Variants in RAPGEF2 observed in about 807,000 individuals in gnomAD.
The protein encoded by RAPGEF2 is PDZ domain containing guanine nucleotide exchange factor (GEF) 1.
A neutral mutation model predicts 186.7 loss-of-function variants in RAPGEF2; 54 were observed. The observed-to-expected ratio is 0.29, with a 90% confidence interval of 0.23 to 0.36. The LOEUF is 0.36. RAPGEF2 is among the 10% of genes least tolerant of loss of function. The pLI, the probability that RAPGEF2 is intolerant of heterozygous loss-of-function variation, is 1.00. For synonymous variants in RAPGEF2, 712 were observed against 705.9 expected, an observed-to-expected ratio of 1.01 and a Z score of -0.14; for missense variants, 1,532 against 2,045.0, an observed-to-expected ratio of 0.75 and a Z score of 4.84.
At chr4:159,335,001 A>T (rs1767203710) in intron 17 of RAPGEF2, among the ~76,000 whole-genome samples, 1 of 152,234 alleles carries the variant, frequency 6.6e-6, no homozygotes, top group Non-Finnish European at 1.5e-5. Context: ...AACAGACTTG[A>T]TTTATACTAT....
chr4:159,163,049 C>T (rs970117581), intron 1 of RAPGEF2, among the ~76,000 whole-genome samples: 4 of 152,120 alleles, frequency 2.6e-5, no homozygotes, highest in African/African-American at 9.7e-5. Context: ...GATGACTGTG[C>T]ACCACTTGCT....
chr4:159,138,109 G>A (rs1410208717), intron 1 of RAPGEF2, among the ~76,000 whole-genome samples: 1 of 152,190 alleles, frequency 6.6e-6, no homozygotes, highest in Non-Finnish European at 1.5e-5. Flanking sequence ...TGAGACACAA[G>A]CTTTCTCTAA....
chr4:159,117,120 A>T lies in RAPGEF2; in HGVS notation c.69+12889A>T, dbSNP rs116388973. ...TTTATACATTTCTAAATGACTAGAA[A>T]TGAGTTTTAAAAACTTGTGAGTTTA... is the stretch of plus-strand genomic sequence containing the variant. On this transcript the variant is annotated intron_variant, in intron 1 of 29. Transcript: ENST00000691494. Among the ~76,000 whole-genome samples the T allele has an allele frequency of 2.7e-3, 415 of 152,368 alleles. 2 individuals carry two copies. Among genetic ancestry groups the T allele is most frequent in the African/African-American group, 9.6e-3 (401 of 41,586 alleles).
chr4:159,341,036 T>C (rs1729396614), intron 19 of RAPGEF2, among the ~76,000 whole-genome samples: 1 of 152,214 alleles, frequency 6.6e-6, no homozygotes, highest in Non-Finnish European at 1.5e-5. Flanking sequence ...AGGATTGTTC[T>C]ATTCATAGGA....
intron 1 of RAPGEF2, among the ~76,000 whole-genome samples, chr4:159,155,545 A>G (rs111492435): frequency 1.0e-3 from 157 of 152,322 alleles, no homozygotes; most frequent in African/African-American, 3.6e-3. Flanking sequence ...ATGTTTCTCT[A>G]GTGGGACCAG....
intron 29 of RAPGEF2, among the ~76,000 whole-genome samples, chr4:159,356,983 G>T (rs1294954784): frequency 6.6e-6 from 1 of 152,218 alleles, no homozygotes; most frequent in Non-Finnish European, 1.5e-5. Context: ...CTCAAAGGTG[G>T]ATGGTTAAAG....
At chr4:159,228,447 A>G (rs950792641) in intron 4 of RAPGEF2, 4 of 152,184 alleles carry the variant, frequency 2.6e-5, no homozygotes, top group Non-Finnish European at 5.9e-5. Flanking sequence ...CTACTGAGGA[A>G]TGAACGGGGG....
At chr4:159,157,740 T>C (rs74352567) in intron 1 of RAPGEF2, among the ~76,000 whole-genome samples, 2,450 of 152,368 alleles carry the variant, frequency 0.016, 38 homozygotes, top group Admixed American at 0.047. Flanking sequence ...TTAATCATAA[T>C]GTCCGTTTTC....
rs763098119 is a variant in RAPGEF2 at position 159,353,701 on chromosome 4, G to A, written c.4306G>A (p.Gly1436Arg). 7 of 1,596,294 alleles carry A rather than the reference G, an allele frequency of 4.4e-6. No individual in the cohort carries two copies. The highest frequency in any genetic ancestry group is 1.7e-5 in the Admixed American group (1 of 57,722). The stretch of plus-strand genomic sequence containing the variant: ...GAGAAGCTGGGAGACTCTTCCATTC[G>A]GGCATACTCACTTTGATTATTCAGG... ...HQRSWETLPF[G>R]HTHFDYSGDP... is the part of the protein sequence containing the mutation. Residue 1436 changes from glycine to arginine, a missense_variant, in exon 28 of 30, where the codon GGG becomes AGG. This residue lies in a region of RAPGEF2 where 594 missense variants were observed against 608.5 expected (regional missense o/e 0.98). Transcript: ENST00000691494. The surrounding 1 kb of genome is among the most constrained non-coding windows in gnomAD (Gnocchi z 4.3).
At chr4:159,273,692 TTCTTTCTTTCTC>T (rs1758478011) in intron 7 of RAPGEF2, among the ~76,000 whole-genome samples, 1 of 130,770 alleles carries the variant, frequency 7.6e-6, no homozygotes, top group African/African-American at 2.8e-5. Flanking sequence ...CTTTCTTTCT[TTCTTTCTTTCTC>T]AATTTAAATA....
At chr4:159,121,891 G>GT (rs1214675326) in intron 1 of RAPGEF2, among the ~76,000 whole-genome samples, 2 of 148,520 alleles carry the variant, frequency 1.3e-5, no homozygotes, top group Non-Finnish European at 3.0e-5. Flanking sequence ...AAAAAAATTA[G>GT]CCGGGCATAG....
At chr4:159,316,285 C>G (rs771233096) in intron 9 of RAPGEF2, among the ~76,000 whole-genome samples, 4 of 150,644 alleles carry the variant, frequency 2.7e-5, no homozygotes, top group African/African-American at 7.5e-5. Context: ...GTAAGTACTA[C>G]TAACTAATGA....
At chr4:159,230,609 G>C (rs1752526498) in intron 4 of RAPGEF2, among the ~76,000 whole-genome samples, 1 of 152,138 alleles carries the variant, frequency 6.6e-6, no homozygotes, top group Admixed American at 6.5e-5. Context: ...GAAGAGATTT[G>C]GTCTTTATAG....
chr4:159,247,354 A>T (rs184166436), intron 7 of RAPGEF2, among the ~76,000 whole-genome samples: 1 of 152,318 alleles, frequency 6.6e-6, no homozygotes, highest in East Asian at 1.9e-4. Context: ...GTACACACCC[A>T]GGGCCCCTAC....
intron 7 of RAPGEF2, among the ~76,000 whole-genome samples, chr4:159,301,491 A>G (rs1762668151): frequency 6.6e-6 from 1 of 152,374 alleles, no homozygotes; most frequent in African/African-American, 2.4e-5. Context: ...CATTTAATCA[A>G]TGCTAATTTA....
At position 159,147,736 on chromosome 4, in the gene RAPGEF2, C is replaced by A. The variant is rs996682906; in HGVS notation, c.70-38906C>A. 2.6e-5 allele frequency among the ~76,000 whole-genome samples: 4 copies of A among 152,194 alleles called. No homozygotes were observed. In the East Asian group the frequency reaches 7.7e-4, roughly 29 times the overall value. On this transcript the variant is annotated intron_variant, in intron 1 of 29. Coordinates refer to ENST00000691494, the MANE Select transcript of RAPGEF2 (RefSeq NM_001394067.2). ...CATTCATATACATGTGAGTAGAAAT[C>A]ATCTCCACAGAAAGATTCCAATTGT...
intron 4 of RAPGEF2, among the ~76,000 whole-genome samples, chr4:159,230,497 G>A (rs1407311314): frequency 6.6e-6 from 1 of 152,164 alleles, no homozygotes; most frequent in Non-Finnish European, 1.5e-5. Flanking sequence ...AAATTAAGGA[G>A]TCTGAATTTT....
chr4:159,120,429 T>C (rs186023336), intron 1 of RAPGEF2, among the ~76,000 whole-genome samples: 8 of 152,392 alleles, frequency 5.2e-5, no homozygotes, highest in Admixed American at 4.6e-4. Context: ...ACTTTATGTC[T>C]TTAAGAAAAA....
chr4:159,221,874 A>T lies in RAPGEF2; in HGVS notation c.281+11291A>T, dbSNP rs13131413. On this transcript the variant is annotated intron_variant, in intron 4 of 29. Coordinates refer to ENST00000691494, the MANE Select transcript of RAPGEF2 (RefSeq NM_001394067.2). ...CAAAGAAAATGATGAAACAAATATC[A>T]ACTTGGTTCAACTAGAGTTGATGAT... is the stretch of plus-strand genomic sequence containing the variant. Among the ~76,000 whole-genome samples, 927 of 152,322 alleles carry T rather than the reference A, an allele frequency of 6.1e-3. 7 individuals carry two copies. Among genetic ancestry groups the T allele is most frequent in the Non-Finnish European group, 9.5e-3 (648 of 68,028 alleles).
Sources: gnomAD v4.1 joint callset for allele counts (sites outside exome capture counted in the v4.1 genomes callset) on GRCh38, gnomAD v4.1.1 for gene constraint, gnomAD v4.1.1 regional missense constraint, Gnocchi (gnomAD v3.1) non-coding constraint, MANE v1.5 for transcripts, NCBI Gene and HGNC (gene_info 2026-07-23, HGNC 2026-07-21) for gene names.